Variants in CSMD1 observed in about 807,000 individuals in gnomAD.
The protein encoded by CSMD1 is CUB and sushi domain-containing protein 1.
CSMD1 carries 213 observed loss-of-function variants against 417.5 expected under a neutral mutation model. That is an observed-to-expected ratio of 0.51 (90% CI 0.46 to 0.57). The LOEUF (loss-of-function observed/expected upper bound fraction) is 0.57. Ranked by LOEUF, CSMD1 falls within the 20% of genes least tolerant of loss-of-function variation. The pLI is 0.00. For synonymous variants in CSMD1, 2,862 were observed against 1,736.8 expected, an observed-to-expected ratio of 1.65 and a Z score of -16.11; for missense variants, 6,923 against 4,529.7, an observed-to-expected ratio of 1.53 and a Z score of -15.17.
chr8:4,067,365 C>T (rs868286187), intron 3 of CSMD1, among the ~76,000 whole-genome samples: 11 of 152,100 alleles, frequency 7.2e-5, no homozygotes, highest in Non-Finnish European at 1.0e-4. Flanking sequence ...TAAAGTGATT[C>T]GGGAGTTAAA....
At chr8:4,727,490 G>A (rs1002918678) in intron 1 of CSMD1, among the ~76,000 whole-genome samples, 1 of 152,102 alleles carries the variant, frequency 6.6e-6, no homozygotes. Context: ...AGAATGATTT[G>A]GCACTTTCAA....
intron 7 of CSMD1, among the ~76,000 whole-genome samples, chr8:3,631,203 T>C (rs1400861559): frequency 6.6e-6 from 1 of 152,180 alleles, no homozygotes. Flanking sequence ...TCTACCTGCT[T>C]TATGTTGCTA....
At chr8:3,449,583 T>C (rs1395343130) in intron 12 of CSMD1, among the ~76,000 whole-genome samples, 2 of 152,012 alleles carry the variant, frequency 1.3e-5, no homozygotes, top group Admixed American at 6.6e-5. Context: ...AATGGCACAA[T>C]ATTGGCTCAC....
At chr8:3,558,772 C>T (rs1285367411) in intron 10 of CSMD1, among the ~76,000 whole-genome samples, 7 of 150,802 alleles carry the variant, frequency 4.6e-5, no homozygotes, top group East Asian at 2.0e-4. Flanking sequence ...CAATAGTACC[C>T]CGCGTCCACT....
Position 4,163,535 on chromosome 8 carries a change from G to C in CSMD1, c.416-131436C>G, listed in dbSNP as rs992154829. Among the ~76,000 whole-genome samples, 6 of 152,034 alleles carry C rather than the reference G, an allele frequency of 3.9e-5. No individual in the cohort carries two copies. In the South Asian group the frequency reaches 6.2e-4, roughly 16 times the overall value. On this transcript the variant is annotated intron_variant, in intron 3 of 69. Transcript: ENST00000635120. ...TTGTTTTGTGAAATATTTAATATTA[G>C]GTAAAGCTACAGCATCATTTGGTGT... is the stretch of plus-strand genomic sequence containing the variant.
intron 2 of CSMD1, among the ~76,000 whole-genome samples, chr8:4,522,748 T>C (rs750285026): frequency 3.9e-5 from 6 of 152,138 alleles, no homozygotes; most frequent in African/African-American, 4.8e-5. Context: ...GCCTGGGAGT[T>C]GGACTCCATC....
intron 2 of CSMD1, among the ~76,000 whole-genome samples, chr8:4,455,031 G>T (rs28483476): frequency 0.21 from 31,635 of 152,012 alleles, 3,741 homozygotes; most frequent in East Asian, 0.35. Flanking sequence ...TCAGTCCGCT[G>T]TCATCAACAC....
intron 7 of CSMD1, among the ~76,000 whole-genome samples, chr8:3,626,810 C>T (rs1796512857): frequency 1.3e-5 from 2 of 149,234 alleles, no homozygotes; most frequent in South Asian, 4.2e-4. Context: ...ACTATGTATA[C>T]TAAATATAAT....
intron 1 of CSMD1, among the ~76,000 whole-genome samples, chr8:4,667,803 A>G (rs2130937858): frequency 6.6e-6 from 1 of 152,338 alleles, no homozygotes. Context: ...CTTTGTGAAT[A>G]AAGATAATCT....
chr8:3,565,195 T>C lies in CSMD1; in HGVS notation c.1344+9750A>G, dbSNP rs71502963. Among the ~76,000 whole-genome samples the C allele has an allele frequency of 9.0e-3, 608 of 67,874 alleles. 17 individuals carry two copies. The highest frequency in any genetic ancestry group is 0.03 in the African/African-American group (579 of 19,180). 44.5% of individuals were successfully genotyped at this position (67,874 alleles called of 152,430 possible). A position where few individuals can be genotyped will look rare whatever the true frequency, so the allele number is the denominator to read the frequency against. On this transcript the variant is annotated intron_variant, in intron 10 of 69. Coordinates refer to ENST00000635120, the MANE Select transcript of CSMD1 (RefSeq NM_033225.6). The stretch of plus-strand genomic sequence containing the variant: ...CAAGAAAGAAAGAAAGATACATAGA[T>C]AGACAGATAGATAGATAGAGAGATA...
At position 3,772,475 on chromosome 8, in the gene CSMD1, A is replaced by T. The variant is rs1381714664; in HGVS notation, c.819-18433T>A. Reference sequence around the variant, plus strand: ...CATATATATACATATATACACATATATATACATATATACACATATATACAT... The same window carrying T: ...CATATATATACATATATACACATATTTATACATATATACACATATATACAT... On this transcript the variant is annotated intron_variant, in intron 5 of 69. Coordinates refer to ENST00000635120, the MANE Select transcript of CSMD1 (RefSeq NM_033225.6). Among the ~76,000 whole-genome samples the T allele has an allele frequency of 3.7e-4, 13 of 35,418 alleles. 2 individuals carry two copies. Among genetic ancestry groups the T allele is most frequent in the African/African-American group, 1.1e-3 (13 of 11,492 alleles). 23.2% of individuals were successfully genotyped at this position (35,418 alleles called of 152,430 possible).
At chr8:4,456,165 T>C (rs1033657054) in intron 2 of CSMD1, among the ~76,000 whole-genome samples, 1 of 151,748 alleles carries the variant, frequency 6.6e-6, no homozygotes, top group Admixed American at 6.6e-5. Context: ...GGTCCCTGTC[T>C]TTTGGAAAAA....
intron 21 of CSMD1, 125 bp downstream of exon 21, chr8:3,359,027 C>T (rs987025898): frequency 9.7e-6 from 8 of 821,974 alleles, no homozygotes; most frequent in Non-Finnish European, 1.4e-5. Context: ...CAGAGTGGAG[C>T]CCACACTTTC....
chr8:4,659,781 T>C (rs922715628), intron 1 of CSMD1, among the ~76,000 whole-genome samples: 5 of 152,126 alleles, frequency 3.3e-5, no homozygotes, highest in South Asian at 4.1e-4. Context: ...GAATGCTTAA[T>C]TTATATTAAG....
At chr8:3,665,822 T>A (rs17325859) in intron 7 of CSMD1, among the ~76,000 whole-genome samples, 23,589 of 152,178 alleles carry the variant, frequency 0.16, 2,058 homozygotes, top group South Asian at 0.22. Context: ...TCTTGAATGA[T>A]CAACCCAAGG....
chr8:3,545,546 T>C (rs1358269881), intron 10 of CSMD1, among the ~76,000 whole-genome samples: 2 of 152,220 alleles, frequency 1.3e-5, no homozygotes, highest in South Asian at 2.1e-4. Context: ...CACTCTAATG[T>C]GATGTAGACT....
rs187481617 is a variant in CSMD1 at position 3,729,862 on chromosome 8, G to T, written c.932-21371C>A. 2.2e-5 allele frequency among the ~76,000 whole-genome samples: 3 copies of T among 136,656 alleles called. No homozygotes were observed. In the South Asian group the frequency reaches 7.1e-4, roughly 32 times the overall value. 89.7% of individuals were successfully genotyped at this position (136,656 alleles called of 152,430 possible). On this transcript the variant is annotated intron_variant, in intron 6 of 69. Transcript: ENST00000635120. ...TTGCATATTCCATGTATTGAAGCACGTATCAAAACATCACACTGTACTCCC... is the reference window on the plus strand; with the variant it reads ...TTGCATATTCCATGTATTGAAGCACTTATCAAAACATCACACTGTACTCCC...
rs748184052 is a variant in CSMD1, at chr8:3,708,435, C to T, written c.988G>A (p.Gly330Arg). The stretch of plus-strand genomic sequence containing the variant: ...TCACAGACAGAGTTTTTATGGCTTC[C>T]ATCCTTGCTGGGCAGCATCTTGACT... Reference protein sequence around the residue: ...RGVKMLPSKDGSHKNSVLSQG... With the variant: ...RGVKMLPSKDRSHKNSVLSQG... The change falls in exon 7 of 70, where the codon GGA becomes AGA. Residue 330 changes from glycine to arginine, a missense_variant. Coordinates refer to ENST00000635120, the MANE Select transcript of CSMD1 (RefSeq NM_033225.6). The T allele has an allele frequency of 6.2e-7, 1 of 1,613,896 alleles. No individual in the cohort carries two copies. Among genetic ancestry groups the T allele is most frequent in the Non-Finnish European group, 8.5e-7 (1 of 1,179,854 alleles).
chr8:3,383,486 C>T (rs1810772710), intron 18 of CSMD1, among the ~76,000 whole-genome samples: 1 of 152,088 alleles, frequency 6.6e-6, no homozygotes, highest in Non-Finnish European at 1.5e-5. Flanking sequence ...GGGAAGCCTT[C>T]TTCCACACTA....
Sources: allele counts gnomAD v4.1 joint callset (sites outside exome capture counted in the v4.1 genomes callset), GRCh38; gene constraint gnomAD v4.1.1; transcripts MANE v1.5; gene names NCBI Gene and HGNC (gene_info 2026-07-23, HGNC 2026-07-21).